The following TBL1XR1 variants were observed in gnomAD, a reference collection of about 807,000 sequenced individuals.
TBL1XR1 encodes F-box-like/WD repeat-containing protein TBL1XR1.
In TBL1XR1, 5 loss-of-function variants were observed where a neutral mutation model predicts 66.9. The ratio of observed to expected loss-of-function variants is 0.07; its 90% confidence interval spans 0.04 to 0.16. The LOEUF is 0.16. Ranked by LOEUF, TBL1XR1 falls within the 10% of genes least tolerant of loss-of-function variation. The probability of loss-of-function intolerance (pLI) is 1.00; values close to 1 mark genes in which losing one functional copy is unlikely to be tolerated. For synonymous variants in TBL1XR1, 210 were observed against 206.0 expected (o/e 1.02, Z -0.17); for missense variants, 238 against 623.2 (o/e 0.38, Z 6.58).
rs541940840 is a variant in TBL1XR1, at chr3:177,133,876, C to CAAAAAAAAAAA, written c.-121-35346_-121-35336dup. On this transcript the variant is annotated intron_variant, in intron 1 of 15. Transcript: ENST00000457928. ...GGGCGAAAGAGTGAGACTCCTATCT[C>CAAAAAAAAAAA]AAAAAAAAAAAAAAAAAAAGTAACA... Among the ~76,000 whole-genome samples the CAAAAAAAAAAA allele has an allele frequency of 5.2e-4, 55 of 105,740 alleles. 4 individuals carry two copies. Among genetic ancestry groups the CAAAAAAAAAAA allele is most frequent in the Non-Finnish European group, 7.9e-4 (41 of 52,166 alleles). 69.4% of individuals were successfully genotyped at this position (105,740 alleles called of 152,430 possible).
intron 1 of TBL1XR1, among the ~76,000 whole-genome samples, chr3:177,146,337 A>G (rs995636806): frequency 1.3e-5 from 2 of 151,868 alleles, no homozygotes; most frequent in African/African-American, 4.8e-5. Flanking sequence ...CCCACGCTGG[A>G]GTGCAATGGC....
chr3:177,201,060 A>G (rs1737330624), upstream of TBL1XR1, among the ~76,000 whole-genome samples: 1 of 152,108 alleles, frequency 6.6e-6, no homozygotes, highest in African/African-American at 2.4e-5. Flanking sequence ...ATGAAGAGAA[A>G]CCTCATACCA....
intron 10 of TBL1XR1, among the ~76,000 whole-genome samples, chr3:177,042,836 T>C (rs1440224505): frequency 6.6e-6 from 1 of 152,168 alleles, no homozygotes; most frequent in East Asian, 1.9e-4. Context: ...CATTAACCCA[T>C]GTAGCCTCCA....
intron 1 of TBL1XR1, among the ~76,000 whole-genome samples, chr3:177,146,589 C>CAAAAAAAAAAAAAAAA (rs78065426): frequency 0.024 from 1,224 of 51,864 alleles, 288 homozygotes; most frequent in East Asian, 0.043. Context: ...GACTCCATCT[C>CAAAAAAAAAAAAAAAA]AAAAAAAAAA....
At chr3:177,048,947 A>T (rs1399800585) in intron 7 of TBL1XR1, among the ~76,000 whole-genome samples, 1 of 152,246 alleles carries the variant, frequency 6.6e-6, no homozygotes, top group Non-Finnish European at 1.5e-5. Flanking sequence ...CTAAAATATA[A>T]TAAGGGCCCA....
At chr3:177,099,421 C>G (rs1723916901) in intron 1 of TBL1XR1, 1 of 152,228 alleles carries the variant, frequency 6.6e-6, no homozygotes, top group Non-Finnish European at 1.5e-5. Flanking sequence ...AGAGGAGACT[C>G]TTAGTTGGAA....
chr3:177,037,057 G>C (rs553979153), intron 12 of TBL1XR1, among the ~76,000 whole-genome samples: 2 of 152,188 alleles, frequency 1.3e-5, no homozygotes, highest in South Asian at 4.1e-4. Flanking sequence ...GAAAAACAGA[G>C]ATCCATGTTG....
intron 1 of TBL1XR1, among the ~76,000 whole-genome samples, chr3:177,124,938 T>A (rs1414771100): frequency 6.6e-6 from 1 of 151,996 alleles, no homozygotes; most frequent in East Asian, 1.9e-4. Context: ...CAAACTGGGT[T>A]ATAGAACTAA....
chr3:177,024,713 G>GAAAAAAAAAAAAAAAAAAAAAAAAAAAA lies in TBL1XR1; in HGVS notation c.*784_*785insTTTTTTTTTTTTTTTTTTTTTTTTTTTT, dbSNP rs148659524. On this transcript the variant is annotated 3_prime_UTR_variant, in exon 16 of 16. Coordinates refer to ENST00000457928, the MANE Select transcript of TBL1XR1 (RefSeq NM_024665.7). ...AGCCACATCACCAAAAAACAAAAAA[G>GAAAAAAAAAAAAAAAAAAAAAAAAAAAA]AAAAAAAAAAAAAAAAAGCAAAACA... The GAAAAAAAAAAAAAAAAAAAAAAAAAAAA allele has an allele frequency of 1.2e-5, 1 of 85,362 alleles. No homozygotes were observed. The allele number at this position is 85,362 out of a possible 1,614,324, so 5.3% of individuals were successfully genotyped here.
intron 10 of TBL1XR1, among the ~76,000 whole-genome samples, chr3:177,042,993 T>C (rs1715808707): frequency 6.6e-6 from 1 of 152,304 alleles, no homozygotes; most frequent in African/African-American, 2.4e-5. Flanking sequence ...GATTTCAGTA[T>C]ATTATTAACT....
chr3:177,138,751 AGAAAAAGGAGG>A (rs977235989), intron 1 of TBL1XR1, among the ~76,000 whole-genome samples: 1 of 152,078 alleles, frequency 6.6e-6, no homozygotes, highest in African/African-American at 2.4e-5. Flanking sequence ...GCAAAAAGGG[AGAAAAAGGAGG>A]GAAAGAGGAA....
At chr3:177,077,475 A>G (rs1720831953) in intron 2 of TBL1XR1, among the ~76,000 whole-genome samples, 1 of 152,028 alleles carries the variant, frequency 6.6e-6, no homozygotes, top group South Asian at 2.1e-4. Context: ...TGAAGCTTTA[A>G]AAATCTACAC....
chr3:177,064,799 A>G, intron 3 of TBL1XR1, 121 bp downstream of exon 3: 7 of 695,042 alleles, frequency 1.0e-5, no homozygotes, highest in Non-Finnish European at 1.7e-5. Flanking sequence ...ATGGCAGTCC[A>G]GACATTAAGA....
intron 14 of TBL1XR1, among the ~76,000 whole-genome samples, chr3:177,031,257 A>G (rs1258669480): frequency 6.6e-6 from 1 of 152,206 alleles, no homozygotes; most frequent in Non-Finnish European, 1.5e-5. Flanking sequence ...ACATAGGCAT[A>G]TATTCATAAA....
intron 1 of TBL1XR1, among the ~76,000 whole-genome samples, chr3:177,183,691 C>G (rs1303532035): frequency 6.6e-6 from 1 of 152,044 alleles, no homozygotes; most frequent in Non-Finnish European, 1.5e-5. Flanking sequence ...CCTCAAACTC[C>G]TGACCTCAGG....
At chr3:177,107,943 T>C (rs1206472522) in intron 1 of TBL1XR1, among the ~76,000 whole-genome samples, 1 of 151,736 alleles carries the variant, frequency 6.6e-6, no homozygotes, top group East Asian at 1.9e-4. Context: ...ACTACTCAAC[T>C]CTGCTATTAT....
chr3:177,059,118 GC>G, intron 3 of TBL1XR1, among the ~76,000 whole-genome samples: 1 of 152,240 alleles, frequency 6.6e-6, no homozygotes, highest in East Asian at 1.9e-4. Flanking sequence ...CAGACTGAAG[GC>G]GGACATACCA....
intron 14 of TBL1XR1, 68 bp downstream of exon 14, chr3:177,032,903 A>C: frequency 1.6e-6 from 2 of 1,271,248 alleles, no homozygotes; most frequent in Non-Finnish European, 2.0e-6. Flanking sequence ...ATGGTGAGGC[A>C]GAGTGTATAG....
intron 5 of TBL1XR1, 95 bp downstream of exon 5, chr3:177,051,409 T>C: frequency 8.9e-7 from 1 of 1,129,278 alleles, no homozygotes. Flanking sequence ...TGAGTTCATC[T>C]ATATAACAAA....
Sources: allele counts gnomAD v4.1 joint callset (sites outside exome capture counted in the v4.1 genomes callset), GRCh38; gene constraint gnomAD v4.1.1; transcripts MANE v1.5; gene names NCBI Gene and HGNC (gene_info 2026-07-23, HGNC 2026-07-21).